TTL: variants seen among roughly 807,000 people sequenced by gnomAD.
The protein encoded by TTL is tubulin--tyrosine ligase.
A neutral mutation model predicts 41.1 loss-of-function variants in TTL; 10 were observed. The observed-to-expected ratio is 0.24, with a 90% CI of 0.15 to 0.41. The LOEUF (loss-of-function observed/expected upper bound fraction) is 0.41. Ranked by LOEUF, TTL falls within the 10% of genes least tolerant of loss-of-function variation. TTL has a pLI of 1.00. For synonymous variants in TTL, 175 were observed against 175.5 expected (o/e 1.00, Z 0.02); for missense variants, 367 against 460.4 (o/e 0.80, Z 1.86).
At chr2:112,498,803 G>T (rs1681608630) in intron 3 of TTL, among the ~76,000 whole-genome samples, 1 of 152,166 alleles carries the variant, frequency 6.6e-6, no homozygotes, top group South Asian at 2.1e-4. Flanking sequence ...TATTTAGGAG[G>T]CTGAGGCAGA....
chr2:112,513,060 T>C (rs1681965942), intron 5 of TTL, among the ~76,000 whole-genome samples: 1 of 152,048 alleles, frequency 6.6e-6, no homozygotes, highest in Admixed American at 6.6e-5. Context: ...TCAAATAAAA[T>C]GCAAAAACCT....
At chr2:112,516,682 A>G (rs1285928410) in intron 5 of TTL, among the ~76,000 whole-genome samples, 2 of 152,148 alleles carry the variant, frequency 1.3e-5, no homozygotes, top group African/African-American at 2.4e-5. Context: ...TCAGAAATCA[A>G]TCAATCAATC....
chr2:112,496,841 G>C (rs866948968), intron 3 of TTL, among the ~76,000 whole-genome samples: 10 of 150,672 alleles, frequency 6.6e-5, no homozygotes, highest in South Asian at 2.1e-4. Flanking sequence ...TTTTTTTTGA[G>C]ACAGAGTCTC....
At chr2:112,513,565 ATATACATATAAATATTTATACAAG>A (rs1681982595) in intron 5 of TTL, among the ~76,000 whole-genome samples, 1 of 148,928 alleles carries the variant, frequency 6.7e-6, no homozygotes, top group Non-Finnish European at 1.5e-5. Flanking sequence ...ATTTATACAA[ATATACATATAAATATTTATACAAG>A]TATAAATATT....
At position 112,528,877 on chromosome 2, in the gene TTL, C is replaced by A; in HGVS notation, c.*82C>A. On this transcript the variant is annotated 3_prime_UTR_variant, in exon 7 of 7. Coordinates refer to ENST00000233336, the MANE Select transcript of TTL (RefSeq NM_153712.5). Reference sequence around the variant, plus strand: ...TGAAATGACTGGATTGCTCTTTATCCAGCCCACAGCAGGGGAAAGAAAGGC... The same window carrying A: ...TGAAATGACTGGATTGCTCTTTATCAAGCCCACAGCAGGGGAAAGAAAGGC... The A allele has an allele frequency of 8.9e-7, 1 of 1,125,910 alleles. No homozygotes were observed. The highest frequency in any genetic ancestry group is 1.3e-5 in the South Asian group (1 of 79,252). 69.7% of individuals were successfully genotyped at this position (1,125,910 alleles called of 1,614,324 possible).
intron 3 of TTL, among the ~76,000 whole-genome samples, chr2:112,494,607 A>C (rs998742725): frequency 2.0e-5 from 3 of 152,160 alleles, no homozygotes; most frequent in African/African-American, 7.2e-5. Context: ...AAGGCATTTC[A>C]AACTGAACAC....
At chr2:112,500,078 G>C (rs1286961761) in intron 3 of TTL, among the ~76,000 whole-genome samples, 1 of 152,162 alleles carries the variant, frequency 6.6e-6, no homozygotes, top group African/African-American at 2.4e-5. Flanking sequence ...GATGAGCCTT[G>C]AAAACTTTGT....
In TTL at chr2:112,532,461, C is replaced by G; in HGVS notation, c.*3666C>G. 4.5e-6 allele frequency: 1 copy of G among 220,670 alleles called. No individual in the cohort carries two copies. The highest frequency in any genetic ancestry group is 9.1e-6 in the Non-Finnish European group (1 of 110,126). 13.7% of individuals were successfully genotyped at this position (220,670 alleles called of 1,614,324 possible). A position where few individuals can be genotyped will look rare whatever the true frequency, so the allele number is the denominator to read the frequency against. On this transcript the variant is annotated 3_prime_UTR_variant, in exon 7 of 7. Transcript: ENST00000233336. Reference sequence around the variant, plus strand: ...AGGTATTGACTGTCCTGGGATATCACTGGTCATTTAAATTCACCATATAAT... The same window carrying G: ...AGGTATTGACTGTCCTGGGATATCAGTGGTCATTTAAATTCACCATATAAT...
At chr2:112,511,798 T>C (rs1681926462) in intron 5 of TTL, among the ~76,000 whole-genome samples, 4 of 151,670 alleles carry the variant, frequency 2.6e-5, no homozygotes, top group African/African-American at 9.7e-5. Flanking sequence ...CTTGAACTCC[T>C]GGGCTCAAGC....
chr2:112,484,658 TG>T (rs1396066600), intron 1 of TTL, among the ~76,000 whole-genome samples: 2 of 152,136 alleles, frequency 1.3e-5, no homozygotes, highest in African/African-American at 4.8e-5. Context: ...TTGCTTAAAG[TG>T]TACTACATGA....
Position 112,519,030 on chromosome 2 carries a change from C to T in TTL, c.876-1252C>T, listed in dbSNP as rs371428557. ...CAGCTGTGTAGAAGGACAGTTATCT[C>T]TGGTACACCAGAGTCATTGTAGCAC... is the stretch of plus-strand genomic sequence containing the variant. On this transcript the variant is annotated intron_variant, in intron 5 of 6. Coordinates refer to ENST00000233336, the MANE Select transcript of TTL (RefSeq NM_153712.5). Among the ~76,000 whole-genome samples, 7 of 152,236 alleles carry T rather than the reference C, an allele frequency of 4.6e-5. No individual in the cohort carries two copies. In the South Asian group the frequency reaches 1.4e-3, roughly 32 times the overall value.
At chr2:112,509,517 G>C (rs1681865294) in intron 5 of TTL, among the ~76,000 whole-genome samples, 1 of 152,188 alleles carries the variant, frequency 6.6e-6, no homozygotes, top group Non-Finnish European at 1.5e-5. Context: ...TAATCTCATG[G>C]TGCGCCGTTT....
In TTL at chr2:112,482,594, T is replaced by G; in HGVS notation, c.157+93T>G. Reference sequence around the variant, plus strand: ...GAACCGGCGCTTTTGTTTTTAAAGGTCATACATTTTCTCCTCTGTCGCTTG... The same window carrying G: ...GAACCGGCGCTTTTGTTTTTAAAGGGCATACATTTTCTCCTCTGTCGCTTG... On this transcript the variant is annotated intron_variant, in intron 1 of 6. Coordinates refer to ENST00000233336, the MANE Select transcript of TTL (RefSeq NM_153712.5). The surrounding 1 kb of genome is among the most constrained non-coding windows in gnomAD (Gnocchi z 5.3). 1 of 1,349,070 alleles carries G rather than the reference T, an allele frequency of 7.4e-7. No homozygotes were observed. The highest frequency in any genetic ancestry group is 9.8e-7 in the Non-Finnish European group (1 of 1,015,480). The allele number at this position is 1,349,070 out of a possible 1,614,324, so 83.6% of individuals were successfully genotyped here.
In TTL at chr2:112,529,329, A is replaced by G. The variant is rs1427336085; in HGVS notation, c.*534A>G. The stretch of plus-strand genomic sequence containing the variant: ...CCTCTCGGCAAAGGTGGTTTCCCTC[A>G]TCACCTTCCTGATGGTGTTTGGTCA... On this transcript the variant is annotated 3_prime_UTR_variant, in exon 7 of 7. Transcript: ENST00000233336. 1.3e-5 allele frequency: 3 copies of G among 231,742 alleles called. No individual in the cohort carries two copies. Among genetic ancestry groups the G allele is most frequent in the Non-Finnish European group, 2.6e-5 (3 of 116,938 alleles). The allele number at this position is 231,742 out of a possible 1,614,324, so 14.4% of individuals were successfully genotyped here. A position where few individuals can be genotyped will look rare whatever the true frequency, so the allele number is the denominator to read the frequency against.
chr2:112,539,162 A>G lies in TTL; in HGVS notation c.*10367A>G, dbSNP rs12987214. 18,935 of 150,644 alleles carry G rather than the reference A, an allele frequency of 0.13. 1,473 individuals are homozygous for G. The highest frequency in any genetic ancestry group is 0.19 in the South Asian group (903 of 4,758). The allele number at this position is 150,644 out of a possible 1,614,324, so 9.3% of individuals were successfully genotyped here. A position where few individuals can be genotyped will look rare whatever the true frequency, so the allele number is the denominator to read the frequency against. On this transcript the variant is annotated 3_prime_UTR_variant, in exon 7 of 7. Transcript: ENST00000233336. ...ATGGGAACAGCAGACACTGGGGACT[A>G]CTAGAGCCAGGAGAGAAGGAGGGGA... is the stretch of plus-strand genomic sequence containing the variant.
rs7578580 is a variant in TTL at position 112,491,545 on chromosome 2, T to C, written c.237-2598T>C. ...TTTTTGTAAATTATATTTTTAAGTCTTTTCCTTAAAATAGTTTTTTAAAAC... is the reference window on the plus strand; with the variant it reads ...TTTTTGTAAATTATATTTTTAAGTCCTTTCCTTAAAATAGTTTTTTAAAAC... On this transcript the variant is annotated intron_variant, in intron 2 of 6. Coordinates refer to ENST00000233336, the MANE Select transcript of TTL (RefSeq NM_153712.5). Among the ~76,000 whole-genome samples the C allele has an allele frequency of 8.3e-3, 1,259 of 152,328 alleles. 19 individuals carry two copies. The highest frequency in any genetic ancestry group is 0.028 in the African/African-American group (1,170 of 41,564).
At chr2:112,485,857 T>C in intron 1 of TTL, 60 bp from the exon 2 acceptor site, 1 of 1,411,956 alleles carries the variant, frequency 7.1e-7, no homozygotes, top group Non-Finnish European at 9.7e-7. Context: ...ATGACACAGC[T>C]GTCCTCTCTC....
At chr2:112,522,188 G>A (rs962104370) in intron 6 of TTL, 3 of 152,586 alleles carry the variant, frequency 2.0e-5, no homozygotes, top group African/African-American at 7.2e-5. Flanking sequence ...CTGTTCCAAT[G>A]ATCACGCCTT....
intron 1 of TTL, among the ~76,000 whole-genome samples, chr2:112,485,482 TCTC>T (rs1174954006): frequency 6.6e-6 from 1 of 152,126 alleles, no homozygotes; most frequent in East Asian, 1.9e-4. Flanking sequence ...TCATTCTAGT[TCTC>T]CTTCCTTCCT....
Sources: allele counts gnomAD v4.1 joint callset (sites outside exome capture counted in the v4.1 genomes callset), GRCh38; gene constraint gnomAD v4.1.1; non-coding constraint Gnocchi (gnomAD v3.1); transcripts MANE v1.5; gene names NCBI Gene and HGNC (gene_info 2026-07-23, HGNC 2026-07-21).